The following PCDH11X variants were observed in gnomAD, a reference collection of about 807,000 sequenced individuals.
PCDH11X encodes the protein protocadherin 11 X-linked, also known as protocadherin-11 X-linked.
PCDH11X carries 18 observed loss-of-function variants against 53.3 expected under a neutral mutation model. The ratio of observed to expected loss-of-function variants is 0.34; its 90% CI spans 0.23 to 0.50. The LOEUF is 0.50. Among genes scored for constraint, PCDH11X ranks in the 20% least tolerant of loss-of-function variants. The pLI is 0.98. For synonymous variants in PCDH11X, 279 were observed against 393.3 expected (o/e 0.71, Z 3.44); for missense variants, 570 against 1,032.4 (o/e 0.55, Z 6.14).
chrX:92,086,178 A>T (rs1602867329), intron 6 of PCDH11X, among the ~76,000 whole-genome samples: 2 of 111,567 alleles, frequency 1.8e-5, no homozygotes, highest in South Asian at 3.8e-4. Context: ...AGTAAGGAAG[A>T]TTTTGACTGA....
At chrX:92,458,634 G>A (rs138351481) in intron 9 of PCDH11X, among the ~76,000 whole-genome samples, 2,056 of 111,183 alleles carry the variant, frequency 0.018, 31 homozygotes, top group African/African-American at 0.046. Flanking sequence ...TGTAACATTT[G>A]TCTTTCTGTG....
At position 91,939,745 on chromosome X, in the gene PCDH11X, A is replaced by G. The variant is rs762377901; in HGVS notation, c.3033+60472A>G. Among the ~76,000 whole-genome samples, 111 of 110,908 alleles carry G rather than the reference A, an allele frequency of 1.0e-3. 2 individuals are homozygous for G. Among genetic ancestry groups the G allele is most frequent in the Middle Eastern group, 9.3e-3 (2 of 216 alleles). On this transcript the variant is annotated intron_variant, in intron 6 of 10. Transcript: ENST00000682573. ...AAGTCTACCTAGAATTTTGTATCCA[A>G]TGAAAATATCTTTCAAAACTGAGGG... is the stretch of plus-strand genomic sequence containing the variant.
At chrX:91,874,287 T>C (rs1939478877) in intron 5 of PCDH11X, among the ~76,000 whole-genome samples, 1 of 110,895 alleles carries the variant, frequency 9.0e-6, no homozygotes, top group African/African-American at 3.3e-5. Context: ...TTCAATGTTG[T>C]CATGAAATTC....
intron 6 of PCDH11X, among the ~76,000 whole-genome samples, chrX:92,193,393 A>AAAAATTT (rs2066234473): frequency 9.0e-6 from 1 of 111,162 alleles, no homozygotes; most frequent in Non-Finnish European, 1.9e-5. Context: ...GGGGACAAGA[A>AAAAATTT]TGATGCCAAT....
At chrX:92,567,140 G>A (rs1031423190) in intron 10 of PCDH11X, among the ~76,000 whole-genome samples, 5 of 99,146 alleles carry the variant, frequency 5.0e-5, no homozygotes, top group Non-Finnish European at 1.0e-4. Flanking sequence ...TTTTAAGATA[G>A]TTTCATTTTT....
At chrX:92,049,465 A>G (rs893687357) in intron 6 of PCDH11X, among the ~76,000 whole-genome samples, 1 of 110,241 alleles carries the variant, frequency 9.1e-6, no homozygotes, top group African/African-American at 3.3e-5. Flanking sequence ...AAAAAACCAG[A>G]GCTTAGTCCT....
chrX:92,106,572 A>G (rs1466937554), intron 6 of PCDH11X, among the ~76,000 whole-genome samples: 5 of 111,848 alleles, frequency 4.5e-5, no homozygotes, highest in Middle Eastern at 4.6e-3. Flanking sequence ...GATATCTACT[A>G]TTTGATTTGG....
At chrX:92,073,399 A>G (rs1391968901) in intron 6 of PCDH11X, among the ~76,000 whole-genome samples, 8 of 112,489 alleles carry the variant, frequency 7.1e-5, no homozygotes, top group Non-Finnish European at 1.3e-4. Flanking sequence ...GGCAATATTC[A>G]TTGCAGAAAA....
intron 6 of PCDH11X, among the ~76,000 whole-genome samples, chrX:92,185,088 A>G (rs1015645344): frequency 2.7e-5 from 3 of 110,086 alleles, no homozygotes; most frequent in Non-Finnish European, 1.9e-5. Context: ...TATTAACAAT[A>G]TGATATAACT....
chrX:92,218,093 A>G (rs764170800), intron 7 of PCDH11X, among the ~76,000 whole-genome samples: 238 of 111,668 alleles, frequency 2.1e-3, no homozygotes, highest in African/African-American at 7.6e-3. Flanking sequence ...AAGAGAAAGC[A>G]GGAAAGATCC....
rs1364688664 is a variant in PCDH11X at position 91,858,585 on chromosome X, C to T, written c.541-18196C>T. ...TAACACTGAATGCTTTTGACAATAC[C>T]GAAGTCATTTCTTGAATGCTTTGCT... On this transcript the variant is annotated intron_variant, in intron 5 of 10. Transcript: ENST00000682573. 3.6e-5 allele frequency among the ~76,000 whole-genome samples: 4 copies of T among 110,200 alleles called. No individual in the cohort carries two copies. In the East Asian group the frequency reaches 8.7e-4, roughly 24 times the overall value.
intron 6 of PCDH11X, among the ~76,000 whole-genome samples, chrX:92,055,834 C>T (rs972957779): frequency 9.0e-6 from 1 of 111,010 alleles, no homozygotes; most frequent in African/African-American, 3.3e-5. Context: ...TGTTAGTTTG[C>T]TAAGGATAAT....
At chrX:92,039,492 C>T (rs1443688704) in intron 6 of PCDH11X, among the ~76,000 whole-genome samples, 3 of 110,093 alleles carry the variant, frequency 2.7e-5, no homozygotes, top group Non-Finnish European at 3.8e-5. Context: ...CAGTGGACAC[C>T]ACCACCACCA....
intron 6 of PCDH11X, among the ~76,000 whole-genome samples, chrX:92,108,229 G>C (rs1223533831): frequency 1.8e-5 from 2 of 111,625 alleles, no homozygotes; most frequent in African/African-American, 6.5e-5. Context: ...ATGTCATTAA[G>C]GTGCTTCAAT....
chrX:92,120,718 C>T (rs1243312921), intron 6 of PCDH11X, among the ~76,000 whole-genome samples: 2 of 111,850 alleles, frequency 1.8e-5, no homozygotes, highest in African/African-American at 6.5e-5. Flanking sequence ...AACAACATGT[C>T]TTTCACAAAG....
intron 6 of PCDH11X, chrX:92,113,980 C>A: frequency 8.3e-7 from 1 of 1,208,701 alleles, no homozygotes; most frequent in East Asian, 3.0e-5. Flanking sequence ...ATCAAACACA[C>A]AGCTAGGGGT....
At chrX:92,042,573 C>A (rs1464513160) in intron 6 of PCDH11X, among the ~76,000 whole-genome samples, 2 of 102,817 alleles carry the variant, frequency 1.9e-5, no homozygotes, top group Non-Finnish European at 3.9e-5. Flanking sequence ...TGGCTACTTC[C>A]AAATACACAC....
At chrX:91,780,734 G>A (rs755051912) in intron 1 of PCDH11X, among the ~76,000 whole-genome samples, 65 of 112,721 alleles carry the variant, frequency 5.8e-4, no homozygotes, top group African/African-American at 2.0e-3. Context: ...TTTTAAAAGC[G>A]AGCAGCCGCA....
intron 8 of PCDH11X, among the ~76,000 whole-genome samples, chrX:92,284,087 TA>T (rs763703105): frequency 9.3e-6 from 1 of 107,837 alleles, no homozygotes; most frequent in South Asian, 4.1e-4. Context: ...AAATTCAAAT[TA>T]AGACAGCACC....
Sources: allele counts gnomAD v4.1 joint callset (sites outside exome capture counted in the v4.1 genomes callset), GRCh38; gene constraint gnomAD v4.1.1; transcripts MANE v1.5; gene names NCBI Gene and HGNC (gene_info 2026-07-23, HGNC 2026-07-21).